Variants in EHBP1 observed in about 807,000 individuals in gnomAD.
EHBP1 encodes EH domain-binding protein 1.
A neutral mutation model predicts 144.0 loss-of-function variants in EHBP1; 55 were observed. The ratio of observed to expected loss-of-function variants is 0.38; its 90% CI spans 0.31 to 0.48. The LOEUF (loss-of-function observed/expected upper bound fraction) is 0.48, where lower values mean the gene tolerates loss of function less well. Among genes scored for constraint, EHBP1 ranks in the 20% least tolerant of loss-of-function variants. The pLI is 0.98. For missense variants in EHBP1, 1,200 were observed against 1,364.2 expected, an observed-to-expected ratio of 0.88 and a Z score of 1.90; for synonymous variants, 469 against 472.7, an observed-to-expected ratio of 0.99 and a Z score of 0.10.
chr2:62,778,583 T>C (rs941826829), intron 5 of EHBP1, among the ~76,000 whole-genome samples: 2 of 151,708 alleles, frequency 1.3e-5, no homozygotes, highest in South Asian at 2.1e-4. Flanking sequence ...GTGTAAATGC[T>C]TCTCTGCTTT....
At chr2:62,933,104 GAGA>G (rs1425850685) in intron 10 of EHBP1, among the ~76,000 whole-genome samples, 12 of 151,652 alleles carry the variant, frequency 7.9e-5, no homozygotes, top group Non-Finnish European at 1.5e-4. Context: ...AATTAACACT[GAGA>G]AGTTTTTAAA....
At chr2:62,736,574 A>G (rs1171854576) in intron 2 of EHBP1, among the ~76,000 whole-genome samples, 1 of 152,182 alleles carries the variant, frequency 6.6e-6, no homozygotes, top group Non-Finnish European at 1.5e-5. Context: ...ACCCAAGCTC[A>G]GAGATTTTTC....
intron 10 of EHBP1, among the ~76,000 whole-genome samples, chr2:62,894,154 T>C (rs1336214717): frequency 6.6e-6 from 1 of 152,034 alleles, no homozygotes; most frequent in Non-Finnish European, 1.5e-5. Flanking sequence ...TGTAAGGAAC[T>C]GTCCTGCAAA....
intron 15 of EHBP1, among the ~76,000 whole-genome samples, chr2:62,984,213 T>TTCTC (rs562546809): frequency 6.6e-6 from 1 of 151,534 alleles, no homozygotes; most frequent in African/African-American, 2.4e-5. Flanking sequence ...AATGCAGATA[T>TTCTC]TCTCTCTCTC....
intron 16 of EHBP1, among the ~76,000 whole-genome samples, chr2:62,993,235 C>G (rs1280523925): frequency 6.6e-6 from 1 of 152,054 alleles, no homozygotes; most frequent in Non-Finnish European, 1.5e-5. Flanking sequence ...GCTGTACAAA[C>G]TGATGACACA....
chr2:62,840,320 C>T (rs1166174624), intron 7 of EHBP1, among the ~76,000 whole-genome samples: 18 of 136,344 alleles, frequency 1.3e-4, no homozygotes, highest in African/African-American at 4.9e-4. Flanking sequence ...CTTCCTTACA[C>T]CTTATACAAA....
At chr2:62,883,578 G>A (rs1037868957) in intron 10 of EHBP1, among the ~76,000 whole-genome samples, 1 of 152,172 alleles carries the variant, frequency 6.6e-6, no homozygotes, top group African/African-American at 2.4e-5. Flanking sequence ...TGCTAAAAAA[G>A]ACTAGCCGTC....
At chr2:62,961,480 AGGTT>A (rs1016211611) in intron 14 of EHBP1, among the ~76,000 whole-genome samples, 6 of 152,068 alleles carry the variant, frequency 3.9e-5, no homozygotes, top group South Asian at 2.1e-4. Context: ...AGATTTTCAA[AGGTT>A]GAATTTTACT....
At chr2:62,770,143 T>G (rs112494418) in intron 4 of EHBP1, among the ~76,000 whole-genome samples, 109 of 151,976 alleles carry the variant, frequency 7.2e-4, no homozygotes, top group African/African-American at 2.4e-3. Flanking sequence ...CAAAAGCAAT[T>G]ACAACAAAAG....
At chr2:62,845,543 TA>T (rs1208622451) in intron 7 of EHBP1, among the ~76,000 whole-genome samples, 3 of 152,094 alleles carry the variant, frequency 2.0e-5, no homozygotes, top group Admixed American at 6.6e-5. Flanking sequence ...GATAAGTAGG[TA>T]TCCCACCTTT....
intron 19 of EHBP1, among the ~76,000 whole-genome samples, chr2:63,019,068 CT>C (rs1464357916): frequency 6.6e-6 from 1 of 152,078 alleles, no homozygotes; most frequent in Non-Finnish European, 1.5e-5. Flanking sequence ...TCAGTGACTT[CT>C]TTGTGAAAGG....
chr2:62,830,089 C>T (rs1275153749), intron 6 of EHBP1, among the ~76,000 whole-genome samples: 1 of 147,686 alleles, frequency 6.8e-6, no homozygotes, highest in Non-Finnish European at 1.5e-5. Flanking sequence ...ACGGAACCAG[C>T]CTAAAAGCTC....
chr2:63,043,785 G>A (rs2061782019), intron 21 of EHBP1: 1 of 151,992 alleles, frequency 6.6e-6, no homozygotes, highest in African/African-American at 2.4e-5. Context: ...ATAAGCACCA[G>A]CCATGTGAGT....
At chr2:62,887,161 C>T (rs984386247) in intron 10 of EHBP1, among the ~76,000 whole-genome samples, 4 of 152,106 alleles carry the variant, frequency 2.6e-5, no homozygotes, top group Admixed American at 6.5e-5. Context: ...CATGGCCCAA[C>T]ATTGTCCCCA....
At chr2:62,900,615 T>G (rs940624217) in intron 10 of EHBP1, among the ~76,000 whole-genome samples, 2 of 151,304 alleles carry the variant, frequency 1.3e-5, no homozygotes, top group African/African-American at 2.4e-5. Flanking sequence ...AGTGAGACCC[T>G]GTCTTTAAAA....
intron 9 of EHBP1, among the ~76,000 whole-genome samples, chr2:62,866,435 C>G (rs2152819211): frequency 6.6e-6 from 1 of 152,152 alleles, no homozygotes; most frequent in Non-Finnish European, 1.5e-5. Context: ...AGTATAGATG[C>G]AGAAATGGGA....
chr2:62,846,180 C>T lies in EHBP1; in HGVS notation c.635-12989C>T, dbSNP rs1006283424. Among the ~76,000 whole-genome samples the T allele has an allele frequency of 5.3e-5, 8 of 152,164 alleles. No individual in the cohort carries two copies. The South Asian group carries it at 8.3e-4, about 16-fold the overall frequency. On this transcript the variant is annotated intron_variant, in intron 7 of 22. Transcript: ENST00000431489. ...ACTTATGACACTAAACATAATCTAG[C>T]TTCCCTGACTTCTGAGGCTCTGGGA...
intron 1 of EHBP1, among the ~76,000 whole-genome samples, chr2:62,691,413 G>A (rs2033900718): frequency 1.3e-5 from 2 of 152,210 alleles, no homozygotes. Context: ...CTCCCTTGGA[G>A]GAGACTTTCT....
intron 1 of EHBP1, among the ~76,000 whole-genome samples, chr2:62,686,688 C>T (rs1027684671): frequency 3.3e-5 from 5 of 152,154 alleles, no homozygotes; most frequent in Admixed American, 3.3e-4. Flanking sequence ...GACTGGGTAT[C>T]GCTTGCATTA....
Sources: gnomAD v4.1 joint callset for allele counts (sites outside exome capture counted in the v4.1 genomes callset) on GRCh38, gnomAD v4.1.1 for gene constraint, MANE v1.5 for transcripts, NCBI Gene and HGNC (gene_info 2026-07-23, HGNC 2026-07-21) for gene names.